Variants in TEAD1 observed in about 807,000 individuals in gnomAD.
The protein encoded by TEAD1 is TEA domain transcription factor 1.
Under a neutral mutation model 54.9 loss-of-function variants are expected in TEAD1, and 9 were observed. That is an observed-to-expected ratio of 0.16 (90% CI 0.10 to 0.29). The LOEUF is 0.29. TEAD1 is among the 10% of genes least tolerant of loss of function. TEAD1 has a pLI of 1.00. For synonymous variants in TEAD1, 200 were observed against 187.8 expected, an observed-to-expected ratio of 1.07 and a Z score of -0.53; for missense variants, 387 against 535.9, an observed-to-expected ratio of 0.72 and a Z score of 2.74.
At chr11:12,804,785 G>C (rs1305257534) in intron 3 of TEAD1, among the ~76,000 whole-genome samples, 2 of 152,182 alleles carry the variant, frequency 1.3e-5, no homozygotes, top group Non-Finnish European at 2.9e-5. Flanking sequence ...GGATGCAAAG[G>C]TGGACAAAAG....
intron 3 of TEAD1, among the ~76,000 whole-genome samples, chr11:12,801,761 T>C (rs1423222714): frequency 2.0e-5 from 3 of 152,232 alleles, no homozygotes; most frequent in Non-Finnish European, 4.4e-5. Flanking sequence ...ATTGTATGGT[T>C]GTATTTCATT....
chr11:12,883,883 T>C (rs560982586), intron 9 of TEAD1, among the ~76,000 whole-genome samples: 36 of 151,688 alleles, frequency 2.4e-4, no homozygotes, highest in Non-Finnish European at 4.1e-4. Flanking sequence ...TAGTCCCAGC[T>C]ACTCAGGAGG....
At chr11:12,704,030 G>T (rs1943761786) in intron 2 of TEAD1, among the ~76,000 whole-genome samples, 1 of 152,162 alleles carries the variant, frequency 6.6e-6, no homozygotes, top group Admixed American at 6.5e-5. Context: ...CATGGAAAAA[G>T]TTATGTTAGA....
At chr11:12,712,172 C>G (rs968235342) in intron 2 of TEAD1, among the ~76,000 whole-genome samples, 1 of 152,152 alleles carries the variant, frequency 6.6e-6, no homozygotes, top group Non-Finnish European at 1.5e-5. Context: ...AAATATCTCC[C>G]TCTTCTCTGT....
At chr11:12,766,251 A>G (rs1945205112) in intron 3 of TEAD1, among the ~76,000 whole-genome samples, 1 of 152,202 alleles carries the variant, frequency 6.6e-6, no homozygotes, top group Non-Finnish European at 1.5e-5. Context: ...GTCAACTCCA[A>G]TTTTGTATTG....
intron 9 of TEAD1, among the ~76,000 whole-genome samples, chr11:12,897,343 C>A (rs1948332267): frequency 6.6e-6 from 1 of 152,192 alleles, no homozygotes; most frequent in East Asian, 1.9e-4. Context: ...GAAATAGAGC[C>A]TTCACCAAAG....
intron 5 of TEAD1, among the ~76,000 whole-genome samples, chr11:12,871,334 G>A (rs1450729658): frequency 6.6e-6 from 1 of 152,204 alleles, no homozygotes; most frequent in Non-Finnish European, 1.5e-5. Flanking sequence ...GCAGCAGCAT[G>A]TCTGAGGATT....
intron 3 of TEAD1, among the ~76,000 whole-genome samples, chr11:12,788,791 T>A (rs6486057): frequency 0.4 from 60,435 of 152,172 alleles, 12,244 homozygotes; most frequent in South Asian, 0.61. Flanking sequence ...CTAAAATGCA[T>A]CTATATGTGT....
chr11:12,833,174 G>A (rs915036224), intron 3 of TEAD1, among the ~76,000 whole-genome samples: 2 of 152,176 alleles, frequency 1.3e-5, no homozygotes, highest in African/African-American at 2.4e-5. Flanking sequence ...GACAGAGAAG[G>A]CAGCATTTTC....
At chr11:12,844,364 T>C (rs924434469) in intron 3 of TEAD1, among the ~76,000 whole-genome samples, 1 of 152,190 alleles carries the variant, frequency 6.6e-6, no homozygotes, top group Non-Finnish European at 1.5e-5. Flanking sequence ...TTCAACGTGT[T>C]AGAAATTCCT....
intron 3 of TEAD1, among the ~76,000 whole-genome samples, chr11:12,795,607 A>G (rs1419359587): frequency 6.6e-6 from 1 of 152,176 alleles, no homozygotes; most frequent in Non-Finnish European, 1.5e-5. Context: ...CTGATAAGAA[A>G]GACTGGGGCC....
At chr11:12,773,596 C>T (rs112127706) in intron 3 of TEAD1, among the ~76,000 whole-genome samples, 308 of 152,098 alleles carry the variant, frequency 2.0e-3, no homozygotes, top group African/African-American at 6.5e-3. Context: ...GTCTTTTGTT[C>T]GTTTTCTAAT....
At chr11:12,915,389 A>C (rs1948692569) in intron 10 of TEAD1, among the ~76,000 whole-genome samples, 1 of 151,938 alleles carries the variant, frequency 6.6e-6, no homozygotes, top group African/African-American at 2.4e-5. Context: ...GGGATGATCC[A>C]CTCTGTCCCC....
intron 3 of TEAD1, among the ~76,000 whole-genome samples, chr11:12,776,786 T>TATC (rs1369799105): frequency 8.0e-6 from 1 of 124,612 alleles, no homozygotes; most frequent in Non-Finnish European, 1.5e-5. Context: ...TTATTATTAT[T>TATC]ATTATTATTA....
chr11:12,771,837 G>A (rs1179655814), intron 3 of TEAD1, among the ~76,000 whole-genome samples: 1 of 152,220 alleles, frequency 6.6e-6, no homozygotes, highest in African/African-American at 2.4e-5. Flanking sequence ...AGCACTGGGA[G>A]AGTAAAGTGA....
chr11:12,759,647 G>C (rs577577007), intron 2 of TEAD1, among the ~76,000 whole-genome samples: 1 of 152,306 alleles, frequency 6.6e-6, no homozygotes, highest in African/African-American at 2.4e-5. Context: ...CGGATTATGA[G>C]GTCAGGAGTT....
intron 12 of TEAD1, among the ~76,000 whole-genome samples, chr11:12,930,608 C>T (rs537137301): frequency 3.9e-5 from 6 of 152,288 alleles, no homozygotes; most frequent in African/African-American, 1.4e-4. Flanking sequence ...TTATCTCTGG[C>T]TGCAGAGTAG....
intron 5 of TEAD1, among the ~76,000 whole-genome samples, chr11:12,865,990 C>T (rs902595393): frequency 2.7e-5 from 4 of 150,358 alleles, no homozygotes; most frequent in Non-Finnish European, 5.9e-5. Context: ...CAAAGTCCTT[C>T]GACTTTTTTT....
intron 3 of TEAD1, among the ~76,000 whole-genome samples, chr11:12,818,532 G>C (rs1287574880): frequency 6.6e-6 from 1 of 152,176 alleles, no homozygotes; most frequent in Non-Finnish European, 1.5e-5. Context: ...GGCTCCTTGG[G>C]AGAAGAAAGG....
Sources: allele counts gnomAD v4.1 joint callset (sites outside exome capture counted in the v4.1 genomes callset), GRCh38; gene constraint gnomAD v4.1.1; transcripts MANE v1.5; gene names NCBI Gene and HGNC (gene_info 2026-07-23, HGNC 2026-07-21).